Variants in CDKAL1 observed in about 807,000 individuals in gnomAD.
CDKAL1 encodes threonylcarbamoyladenosine tRNA methylthiotransferase.
CDKAL1 carries 32 observed loss-of-function variants against 68.2 expected under a neutral mutation model. That is an observed-to-expected ratio of 0.47 (90% CI 0.35 to 0.63). The LOEUF (loss-of-function observed/expected upper bound fraction) is 0.63. Ranked by LOEUF, CDKAL1 falls within the 30% of genes least tolerant of loss-of-function variation. The pLI is 0.00. For missense variants in CDKAL1, 606 were observed against 696.7 expected (o/e 0.87, Z 1.47); for synonymous variants, 234 against 244.3 (o/e 0.96, Z 0.39).
intron 13 of CDKAL1, among the ~76,000 whole-genome samples, chr6:21,189,921 A>C (rs1047862871): frequency 7.2e-5 from 11 of 152,204 alleles, no homozygotes; most frequent in African/African-American, 2.7e-4. Flanking sequence ...TGAGGAATCA[A>C]AATGGAAAGG....
intron 13 of CDKAL1, among the ~76,000 whole-genome samples, chr6:21,155,179 C>T (rs1776589506): frequency 6.6e-6 from 1 of 152,078 alleles, no homozygotes; most frequent in South Asian, 2.1e-4. Flanking sequence ...TCCTCAAAAT[C>T]CTTTAGAAAA....
At chr6:21,143,613 A>C (rs538225625) in intron 13 of CDKAL1, among the ~76,000 whole-genome samples, 17 of 152,104 alleles carry the variant, frequency 1.1e-4, no homozygotes, top group Non-Finnish European at 1.9e-4. Flanking sequence ...TAGATGTTTC[A>C]GTTTCCTAGT....
chr6:21,177,019 A>G (rs2151082039), intron 13 of CDKAL1, among the ~76,000 whole-genome samples: 1 of 152,230 alleles, frequency 6.6e-6, no homozygotes, highest in East Asian at 1.9e-4. Flanking sequence ...TTAAAAAGCA[A>G]TCCTCACAGC....
Position 21,149,230 on chromosome 6 carries a change from C to G in CDKAL1, c.1299+40767C>G, listed in dbSNP as rs541893317. 2.6e-5 allele frequency among the ~76,000 whole-genome samples: 4 copies of G among 152,276 alleles called. No homozygotes were observed. The South Asian group carries it at 8.3e-4, about 32-fold the overall frequency. ...TCTCAGCTCACCACAACTTCCACCT[C>G]TCAGGTTCAAGCGTTTCTCCTGCCT... On this transcript the variant is annotated intron_variant, in intron 13 of 15. Coordinates refer to ENST00000274695, the MANE Select transcript of CDKAL1 (RefSeq NM_017774.3).
chr6:20,730,454 AAAGGAAAGAAAAGAAAGAAGGAAGG>A, intron 5 of CDKAL1, among the ~76,000 whole-genome samples: 1 of 148,102 alleles, frequency 6.8e-6, no homozygotes, highest in South Asian at 2.1e-4. Context: ...GAAAAGAAAG[AAAGGAAAGAAAAGAAAGAAGGAAGG>A]AAGGAAAGAA....
intron 10 of CDKAL1, among the ~76,000 whole-genome samples, chr6:20,962,044 A>G (rs946813507): frequency 3.9e-5 from 6 of 152,210 alleles, no homozygotes; most frequent in African/African-American, 1.4e-4. Context: ...ATTACTTACA[A>G]CCTGCGCCAG....
intron 9 of CDKAL1, among the ~76,000 whole-genome samples, chr6:20,885,999 G>C (rs6926335): frequency 3.2e-4 from 48 of 151,866 alleles, no homozygotes; most frequent in Non-Finnish European, 6.2e-4. Flanking sequence ...ATCATGCCAC[G>C]ACACTCCAGC....
At chr6:20,825,349 T>G (rs1005866530) in intron 8 of CDKAL1, among the ~76,000 whole-genome samples, 1 of 152,068 alleles carries the variant, frequency 6.6e-6, no homozygotes, top group African/African-American at 2.4e-5. Flanking sequence ...GTTTTTACAG[T>G]GGGTTCTGTT....
At chr6:20,706,753 T>C (rs1432728359) in intron 5 of CDKAL1, among the ~76,000 whole-genome samples, 1 of 152,168 alleles carries the variant, frequency 6.6e-6, no homozygotes, top group African/African-American at 2.4e-5. Flanking sequence ...AAGTGATGAG[T>C]CACATGAGTA....
At chr6:20,852,068 A>C (rs1759044475) in intron 9 of CDKAL1, among the ~76,000 whole-genome samples, 1 of 152,174 alleles carries the variant, frequency 6.6e-6, no homozygotes, top group Admixed American at 6.5e-5. Context: ...TGTTATCTGT[A>C]GGATTAATGA....
intron 5 of CDKAL1, among the ~76,000 whole-genome samples, chr6:20,682,464 T>A (rs1026976469): frequency 6.6e-6 from 1 of 152,066 alleles, no homozygotes; most frequent in Admixed American, 6.5e-5. Flanking sequence ...TTAGGAAACT[T>A]ACAATCATGG....
intron 10 of CDKAL1, among the ~76,000 whole-genome samples, chr6:20,996,200 C>A (rs114191842): frequency 1.3e-5 from 2 of 152,224 alleles, no homozygotes; most frequent in Non-Finnish European, 2.9e-5. Flanking sequence ...TCTATCCAGA[C>A]GACTGAAACT....
chr6:20,616,767 G>C (rs111935446), intron 4 of CDKAL1, among the ~76,000 whole-genome samples: 23,565 of 150,900 alleles, frequency 0.16, 2,753 homozygotes, highest in African/African-American at 0.33. Flanking sequence ...ACTTTGGGAG[G>C]CTGAGGTGGG....
chr6:20,669,430 A>G (rs375321268), intron 5 of CDKAL1, among the ~76,000 whole-genome samples: 1 of 152,132 alleles, frequency 6.6e-6, no homozygotes, highest in Non-Finnish European at 1.5e-5. Flanking sequence ...ATCCGTAACT[A>G]TCATTATCAC....
intron 12 of CDKAL1, among the ~76,000 whole-genome samples, chr6:21,094,183 G>A (rs963521771): frequency 6.6e-6 from 1 of 152,162 alleles, no homozygotes; most frequent in African/African-American, 2.4e-5. Flanking sequence ...AGAGTGGGCA[G>A]GGGAGGGAAT....
At chr6:20,753,793 A>G (rs1191760375) in intron 6 of CDKAL1, among the ~76,000 whole-genome samples, 2 of 152,126 alleles carry the variant, frequency 1.3e-5, no homozygotes, top group African/African-American at 4.8e-5. Context: ...TTGGAGTTAT[A>G]ACTAGGATTG....
intron 6 of CDKAL1, among the ~76,000 whole-genome samples, chr6:20,750,140 G>C (rs760016098): frequency 2.6e-5 from 4 of 152,092 alleles, no homozygotes; most frequent in Non-Finnish European, 4.4e-5. Context: ...TTTGAGACAA[G>C]GTTTCGCCCT....
chr6:20,915,989 T>G (rs1561882111), intron 9 of CDKAL1, among the ~76,000 whole-genome samples: 2 of 151,892 alleles, frequency 1.3e-5, no homozygotes, highest in East Asian at 3.9e-4. Flanking sequence ...GACAAAACTA[T>G]AGAGATAGAG....
At chr6:20,829,324 G>A (rs959316811) in intron 8 of CDKAL1, among the ~76,000 whole-genome samples, 11 of 152,156 alleles carry the variant, frequency 7.2e-5, no homozygotes, top group African/African-American at 2.4e-4. Flanking sequence ...ACTGTCTGTG[G>A]AATTTTGTGT....
Sources: allele counts gnomAD v4.1 joint callset (sites outside exome capture counted in the v4.1 genomes callset), GRCh38; gene constraint gnomAD v4.1.1; transcripts MANE v1.5; gene names NCBI Gene and HGNC (gene_info 2026-07-23, HGNC 2026-07-21).